Variants in DPYD observed in about 807,000 individuals in gnomAD.
DPYD encodes dihydropyrimidine dehydrogenase [NADP(+)].
Under a neutral mutation model 116.2 loss-of-function variants are expected in DPYD, and 109 were observed. That is an observed-to-expected ratio of 0.94 (90% CI 0.80 to 1.10). DPYD has a LOEUF of 1.10. DPYD is among the 50% of genes least tolerant of loss of function. The pLI, the probability that DPYD is intolerant of heterozygous loss-of-function variation, is 0.00. For missense variants in DPYD, 1,302 were observed against 1,254.5 expected (o/e 1.04, Z -0.57); for synonymous variants, 440 against 432.0 (o/e 1.02, Z -0.23).
intron 14 of DPYD, among the ~76,000 whole-genome samples, chr1:97,448,333 A>T (rs1365388333): frequency 6.6e-6 from 1 of 152,248 alleles, no homozygotes; most frequent in Admixed American, 6.5e-5. Context: ...ACCATATATT[A>T]GGTGTGTAAC....
At chr1:97,856,963 G>A (rs991551508) in intron 2 of DPYD, 5 of 152,128 alleles carry the variant, frequency 3.3e-5, no homozygotes, top group East Asian at 1.9e-4. Context: ...TCTGTTAAAC[G>A]GCAGCTATTA....
In DPYD at chr1:97,314,014, G is replaced by A. The variant is rs542217265; in HGVS notation, c.2059-7717C>T. ...AAACATTTGCATCTCCTCTTCCATG[G>A]AGCCAAAATAAGCTGGAGATACAGG... On this transcript the variant is annotated intron_variant, in intron 16 of 22. Coordinates refer to ENST00000370192, the MANE Select transcript of DPYD (RefSeq NM_000110.4). 5.9e-5 allele frequency among the ~76,000 whole-genome samples: 9 copies of A among 151,984 alleles called. No homozygotes were observed. The South Asian group carries it at 1.9e-3, about 32-fold the overall frequency.
At chr1:97,183,986 TAGCTCCCACTTATGAGTG>T (rs1657821413) in intron 20 of DPYD, among the ~76,000 whole-genome samples, 1 of 152,076 alleles carries the variant, frequency 6.6e-6, no homozygotes, top group South Asian at 2.1e-4. Context: ...TCTCATTATT[TAGCTCCCACTTATGAGTG>T]ACAAAATGGA....
chr1:97,735,680 T>G (rs1663892606), intron 4 of DPYD, among the ~76,000 whole-genome samples: 1 of 136,208 alleles, frequency 7.3e-6, no homozygotes, highest in East Asian at 2.1e-4. Context: ...AGAGCAAGAC[T>G]CTGTCATAAA....
intron 11 of DPYD, among the ~76,000 whole-genome samples, chr1:97,555,871 C>T (rs1385535037): frequency 5.3e-5 from 8 of 152,284 alleles, no homozygotes; most frequent in African/African-American, 1.4e-4. Flanking sequence ...TTACCAGCCA[C>T]TCTCTACAAA....
At chr1:97,839,603 C>A (rs1417777671) in intron 2 of DPYD, among the ~76,000 whole-genome samples, 1 of 152,086 alleles carries the variant, frequency 6.6e-6, no homozygotes, top group Non-Finnish European at 1.5e-5. Flanking sequence ...TTTTACTTAA[C>A]AATTTTCTTA....
intron 11 of DPYD, 109 bp downstream of exon 11, chr1:97,573,651 A>G: frequency 7.3e-7 from 1 of 1,363,648 alleles, no homozygotes; most frequent in Non-Finnish European, 1.0e-6. Flanking sequence ...CTTAACTAGA[A>G]GAGGAAAATA....
intron 16 of DPYD, among the ~76,000 whole-genome samples, chr1:97,323,195 T>C (rs539694295): frequency 6.7e-6 from 1 of 149,218 alleles, no homozygotes; most frequent in South Asian, 2.1e-4. Context: ...TATATACACG[T>C]ATATATATCC....
intron 14 of DPYD, among the ~76,000 whole-genome samples, chr1:97,440,558 T>A (rs1675723961): frequency 6.6e-6 from 1 of 152,174 alleles, no homozygotes; most frequent in African/African-American, 2.4e-5. Flanking sequence ...TTAGAGCATC[T>A]TTGAATTATA....
At chr1:97,338,718 C>T (rs1398026581) in intron 16 of DPYD, among the ~76,000 whole-genome samples, 1 of 152,112 alleles carries the variant, frequency 6.6e-6, no homozygotes, top group African/African-American at 2.4e-5. Flanking sequence ...TTCTGGTATG[C>T]TAGGGTGTAA....
chr1:97,730,660 A>G (rs907715337), intron 4 of DPYD, among the ~76,000 whole-genome samples: 10 of 152,106 alleles, frequency 6.6e-5, no homozygotes, highest in Admixed American at 6.5e-5. Flanking sequence ...TATCCAGGGA[A>G]AATAATTATA....
chr1:97,170,452 A>C (rs1227770053), intron 20 of DPYD, among the ~76,000 whole-genome samples: 1 of 152,154 alleles, frequency 6.6e-6, no homozygotes, highest in Non-Finnish European at 1.5e-5. Context: ...AGAGACACAG[A>C]AGGCAATGTT....
intron 14 of DPYD, among the ~76,000 whole-genome samples, chr1:97,396,450 C>T (rs559303753): frequency 1.3e-5 from 2 of 152,046 alleles, no homozygotes; most frequent in African/African-American, 2.4e-5. Flanking sequence ...TTCTCAGAGG[C>T]TAACCTTATT....
intron 1 of DPYD, among the ~76,000 whole-genome samples, chr1:97,913,241 T>G (rs554054496): frequency 3.9e-4 from 60 of 152,238 alleles, no homozygotes; most frequent in African/African-American, 1.3e-3. Flanking sequence ...AAGTTTAAAA[T>G]CAGGTGAATA....
At chr1:97,122,460 T>C (rs952341681) in intron 20 of DPYD, among the ~76,000 whole-genome samples, 1 of 152,180 alleles carries the variant, frequency 6.6e-6, no homozygotes, top group Non-Finnish European at 1.5e-5. Context: ...TGTAAAGCAG[T>C]AAATGTAGAA....
chr1:97,441,523 A>G lies in DPYD; in HGVS notation c.1905+8536T>C, dbSNP rs1355698363. 2.0e-5 allele frequency among the ~76,000 whole-genome samples: 3 copies of G among 152,002 alleles called. No homozygotes were observed. The East Asian group carries it at 5.8e-4, about 29-fold the overall frequency. On this transcript the variant is annotated intron_variant, in intron 14 of 22. Coordinates refer to ENST00000370192, the MANE Select transcript of DPYD (RefSeq NM_000110.4). ...CTTCCAGTTACCTTTCATCTTATTCATTGTAGTTTTAATTTCTGGAAGTTT... is the reference window on the plus strand; with the variant it reads ...CTTCCAGTTACCTTTCATCTTATTCGTTGTAGTTTTAATTTCTGGAAGTTT...
At chr1:97,811,639 C>A (rs1668355188) in intron 3 of DPYD, among the ~76,000 whole-genome samples, 1 of 152,072 alleles carries the variant, frequency 6.6e-6, no homozygotes, top group Non-Finnish European at 1.5e-5. Flanking sequence ...TTCAGTTTTA[C>A]AATCAATCAG....
chr1:97,097,058 T>G (rs1365896818), intron 21 of DPYD, among the ~76,000 whole-genome samples: 1 of 152,204 alleles, frequency 6.6e-6, no homozygotes, highest in Non-Finnish European at 1.5e-5. Flanking sequence ...GGGCTGTAGG[T>G]TCTGGCCTTC....
At chr1:97,673,401 G>A (rs1267460154) in intron 8 of DPYD, among the ~76,000 whole-genome samples, 1 of 151,866 alleles carries the variant, frequency 6.6e-6, no homozygotes, top group Non-Finnish European at 1.5e-5. Context: ...CTGGGTTTGG[G>A]CAATGTTATA....
Sources: allele counts gnomAD v4.1 joint callset (sites outside exome capture counted in the v4.1 genomes callset), GRCh38; gene constraint gnomAD v4.1.1; transcripts MANE v1.5; gene names NCBI Gene and HGNC (gene_info 2026-07-23, HGNC 2026-07-21).